Variants in OCA2 observed in about 807,000 individuals in gnomAD.
The protein encoded by OCA2 is P protein.
A neutral mutation model predicts 100.2 loss-of-function variants in OCA2; 77 were observed. The observed-to-expected ratio is 0.77, with a 90% CI of 0.64 to 0.93. The LOEUF is 0.93. Among genes scored for constraint, OCA2 ranks in the 40% least tolerant of loss-of-function variants. The pLI, the probability that OCA2 is intolerant of heterozygous loss-of-function variation, is 0.00. For missense variants in OCA2, 1,062 were observed against 1,089.1 expected (o/e 0.98, Z 0.35); for synonymous variants, 432 against 439.2 (o/e 0.98, Z 0.21).
the OCA2 span, among the ~76,000 whole-genome samples, chr15:27,723,203 A>G: frequency 2.6e-5 from 4 of 152,070 alleles, no homozygotes; most frequent in African/African-American, 9.7e-5. Context: ...ATGTGTTTTT[A>G]TAATGGTCTA....
the OCA2 span, among the ~76,000 whole-genome samples, chr15:27,748,266 C>G: frequency 1.3e-5 from 2 of 152,202 alleles, no homozygotes; most frequent in Non-Finnish European, 2.9e-5. Flanking sequence ...TGCTCCCAAA[C>G]TACCTGGGCT....
chr15:28,030,311 C>T (rs148291668), intron 3 of OCA2, among the ~76,000 whole-genome samples: 1 of 151,958 alleles, frequency 6.6e-6, no homozygotes, highest in Non-Finnish European at 1.5e-5. Flanking sequence ...AGCACAGGGG[C>T]TAGTTTGGAA....
chr15:28,021,425 AG>A (rs1296879474), intron 6 of OCA2, among the ~76,000 whole-genome samples: 9 of 152,364 alleles, frequency 5.9e-5, no homozygotes, highest in African/African-American at 2.2e-4. Flanking sequence ...AGAGCAAAAC[AG>A]GTGACTGTAG....
chr15:27,980,985 A>T, intron 14 of OCA2, among the ~76,000 whole-genome samples: 1 of 152,186 alleles, frequency 6.6e-6, no homozygotes, highest in East Asian at 1.9e-4. Flanking sequence ...TCCTTCAGAG[A>T]TGAGAATTGC....
chr15:28,075,153 G>A (rs900369500), intron 2 of OCA2, among the ~76,000 whole-genome samples: 5 of 151,944 alleles, frequency 3.3e-5, no homozygotes, highest in Admixed American at 6.6e-5. Flanking sequence ...CTCCATAAAA[G>A]AATAATTGAT....
chr15:27,844,951 A>C lies in OCA2; in HGVS notation c.2432+8T>G, dbSNP rs1220963402. 1.9e-6 allele frequency: 3 copies of C among 1,591,520 alleles called. No homozygotes were observed. The highest frequency in any genetic ancestry group is 1.7e-5 in the Admixed American group (1 of 59,988). Reference sequence around the variant, plus strand: ...TTAACAGAAAATTTAAAGGGAATTTAAAAGTACCTGAAAAATTCCATGAAG... The same window carrying C: ...TTAACAGAAAATTTAAAGGGAATTTCAAAGTACCTGAAAAATTCCATGAAG... On this transcript the variant is annotated splice_region_variant and intron_variant, in intron 23 of 23. Transcript: ENST00000354638.
At chr15:27,817,727 G>C (rs1050711958) in intron 23 of OCA2, among the ~76,000 whole-genome samples, 5 of 152,138 alleles carry the variant, frequency 3.3e-5, no homozygotes, top group Non-Finnish European at 5.9e-5. Context: ...TGCAAAACCT[G>C]CTGTCTCAGT....
intron 9 of OCA2, among the ~76,000 whole-genome samples, chr15:27,994,434 G>A (rs1365342053): frequency 1.3e-5 from 2 of 152,154 alleles, no homozygotes; most frequent in African/African-American, 4.8e-5. Flanking sequence ...TTCTCTTCCT[G>A]CCCATGCTCT....
intron 2 of OCA2, among the ~76,000 whole-genome samples, chr15:28,073,541 T>C (rs1409060791): frequency 6.6e-6 from 1 of 152,192 alleles, no homozygotes; most frequent in Admixed American, 6.5e-5. Context: ...ATGGGAGTTA[T>C]GCATTGAGCA....
chr15:27,878,251 C>T lies in OCA2; in HGVS notation c.2080-6329G>A, dbSNP rs76914333. Among the ~76,000 whole-genome samples, 910 of 152,048 alleles carry T rather than the reference C, an allele frequency of 6.0e-3. 10 individuals carry two copies. The highest frequency in any genetic ancestry group is 0.02 in the African/African-American group (842 of 41,518). ...CAACCATCAAACCTATTTTGAAGAA[C>T]GTAAGAGGGAAAAACGTTATCTTTT... On this transcript the variant is annotated intron_variant, in intron 19 of 23. Coordinates refer to ENST00000354638, the MANE Select transcript of OCA2 (RefSeq NM_000275.3).
At chr15:27,741,313 T>C in the OCA2 span, among the ~76,000 whole-genome samples, 18 of 152,106 alleles carry the variant, frequency 1.2e-4, no homozygotes, top group African/African-American at 2.2e-4. Flanking sequence ...AACATTGCCA[T>C]TGGGGGAAGG....
intron 14 of OCA2, among the ~76,000 whole-genome samples, chr15:27,976,028 T>C (rs2040953577): frequency 7.2e-6 from 1 of 139,504 alleles, no homozygotes; most frequent in Non-Finnish European, 1.6e-5. Flanking sequence ...ATACAGCATA[T>C]GTTTTGTGCT....
chr15:28,084,014 G>A (rs1054326430), intron 1 of OCA2, among the ~76,000 whole-genome samples: 4 of 152,228 alleles, frequency 2.6e-5, no homozygotes, highest in Admixed American at 2.6e-4. Context: ...CCTGTAATGG[G>A]ATGGTATTCA....
the OCA2 span, among the ~76,000 whole-genome samples, chr15:27,724,103 G>A: frequency 1.3e-5 from 2 of 152,114 alleles, no homozygotes; most frequent in African/African-American, 2.4e-5. Context: ...GTGGCCAAAG[G>A]CTTTCTAGAG....
At chr15:27,937,336 G>A (rs1356428659) in intron 18 of OCA2, among the ~76,000 whole-genome samples, 1 of 152,024 alleles carries the variant, frequency 6.6e-6, no homozygotes. Context: ...TTCCAGTTTG[G>A]GGCTATTATA....
At chr15:28,003,695 C>A (rs892533849) in intron 9 of OCA2, among the ~76,000 whole-genome samples, 3 of 148,870 alleles carry the variant, frequency 2.0e-5, no homozygotes, top group Middle Eastern at 3.4e-3. Flanking sequence ...ATGACACGGC[C>A]CTCGGGGGTT....
intron 19 of OCA2, among the ~76,000 whole-genome samples, chr15:27,918,746 T>C (rs879655302): frequency 6.6e-6 from 1 of 152,222 alleles, no homozygotes; most frequent in Non-Finnish European, 1.5e-5. Context: ...GTACCTGCAC[T>C]ATTGGATACA....
chr15:28,072,780 T>C (rs1457037080), intron 2 of OCA2, among the ~76,000 whole-genome samples: 1 of 152,078 alleles, frequency 6.6e-6, no homozygotes, highest in East Asian at 1.9e-4. Context: ...ATGGCTATTA[T>C]TTTAAAAATC....
intron 23 of OCA2, among the ~76,000 whole-genome samples, chr15:27,823,034 G>A (rs190942066): frequency 1.6e-4 from 25 of 152,320 alleles, no homozygotes; most frequent in African/African-American, 5.5e-4. Flanking sequence ...CTGTGTGTAC[G>A]GAATGAGGTA....
Sources: allele counts gnomAD v4.1 joint callset (sites outside exome capture counted in the v4.1 genomes callset), GRCh38; gene constraint gnomAD v4.1.1; transcripts MANE v1.5; gene names NCBI Gene and HGNC (gene_info 2026-07-23, HGNC 2026-07-21).